Variants in TJP2 observed in about 807,000 individuals in gnomAD.
TJP2 encodes tight junction protein 2, also known as Friedreich ataxia region gene X104 (tight junction protein ZO-2).
Under a neutral mutation model 133.1 loss-of-function variants are expected in TJP2, and 91 were observed. The observed-to-expected ratio is 0.68, with a 90% CI of 0.58 to 0.81. The LOEUF is 0.81. Ranked by LOEUF, TJP2 falls within the 40% of genes least tolerant of loss-of-function variation. The pLI is 0.00. For synonymous variants in TJP2, 592 were observed against 583.4 expected (o/e 1.01, Z -0.21); for missense variants, 1,541 against 1,565.6 (o/e 0.98, Z 0.26).
At chr9:69,245,015 A>C (rs1410028469) in intron 17 of TJP2, among the ~76,000 whole-genome samples, 1 of 152,244 alleles carries the variant, frequency 6.6e-6, no homozygotes, top group Non-Finnish European at 1.5e-5. Context: ...TATTTAGTGT[A>C]AATCACTCAT....
At chr9:69,121,755 G>T (rs1458337952) in intron 1 of TJP2, 1 of 152,168 alleles carries the variant, frequency 6.6e-6, no homozygotes, top group Non-Finnish European at 1.5e-5. Flanking sequence ...TCCCTCCCCG[G>T]CCCAGGTGCT....
At chr9:69,145,864 T>C in intron 1 of TJP2, 9 of 1,181,804 alleles carry the variant, frequency 7.6e-6, no homozygotes, top group Non-Finnish European at 9.6e-6. Context: ...ATGTAAATAC[T>C]TTTTGTCTGT....
At chr9:69,178,963 GT>G (rs1001930100) in intron 1 of TJP2, among the ~76,000 whole-genome samples, 5 of 83,890 alleles carry the variant, frequency 6.0e-5, no homozygotes, top group East Asian at 3.6e-4. Context: ...AACTGGATGA[GT>G]TTTTTTTTCT....
chr9:69,248,208 C>T lies in TJP2; in HGVS notation c.2864C>T (p.Pro955Leu), dbSNP rs769636686. The T allele has an allele frequency of 3.2e-5, 51 of 1,602,592 alleles. No individual in the cohort carries two copies. The African/African-American group carries it at 3.3e-4, about 11-fold the overall frequency. The change falls in exon 19 of 23, where the codon CCG becomes CTG. Residue 955 changes from proline to leucine, a missense_variant. Coordinates refer to ENST00000377245, the MANE Select transcript of TJP2 (RefSeq NM_004817.4). ...TCGTCCATCACCCGCTCCTCGGAGC[C>T]GGTGCAGCACGAGGAGGTGAGGCGA... ...LVSSITRSSE[P>L]VQHEESIRKP...
intron 21 of TJP2, among the ~76,000 whole-genome samples, 157 bp from the exon 22 acceptor site, chr9:69,252,658 G>A (rs1831420704): frequency 6.6e-6 from 1 of 152,200 alleles, no homozygotes; most frequent in South Asian, 2.1e-4. Context: ...ACATAACCAT[G>A]GAAATGAGGA....
At chr9:69,160,622 G>T (rs1051596359) in intron 2 of TJP2, among the ~76,000 whole-genome samples, 5 of 152,220 alleles carry the variant, frequency 3.3e-5, no homozygotes, top group African/African-American at 1.2e-4. Flanking sequence ...ATAGTGAGAA[G>T]CAAGGGGAAA....
chr9:69,235,383 A>T (rs1317921338), intron 12 of TJP2, among the ~76,000 whole-genome samples: 1 of 151,556 alleles, frequency 6.6e-6, no homozygotes, highest in African/African-American at 2.4e-5. Context: ...AGTGCAGTGG[A>T]GCAATCTTGG....
At chr9:69,209,499 A>T (rs1300625484) in intron 1 of TJP2, among the ~76,000 whole-genome samples, 1 of 151,726 alleles carries the variant, frequency 6.6e-6, no homozygotes, top group Admixed American at 6.6e-5. Context: ...CACACCTGTA[A>T]TCCCAGCGCT....
chr9:69,206,553 T>A lies in TJP2; in HGVS notation c.61-5995T>A, dbSNP rs112624952. 3.0e-3 allele frequency among the ~76,000 whole-genome samples: 452 copies of A among 149,476 alleles called. 4 individuals carry two copies. Among genetic ancestry groups the A allele is most frequent in the African/African-American group, 0.011 (436 of 40,818 alleles). On this transcript the variant is annotated intron_variant, in intron 1 of 22. Coordinates refer to ENST00000377245, the MANE Select transcript of TJP2 (RefSeq NM_004817.4). Reference sequence around the variant, plus strand: ...GTGTTCACCCACTCATCTCCCTATTTTTTATTTATTTATTTATTTATTTAA... The same window carrying A: ...GTGTTCACCCACTCATCTCCCTATTATTTATTTATTTATTTATTTATTTAA...
intron 1 of TJP2, among the ~76,000 whole-genome samples, chr9:69,190,801 C>T (rs902390039): frequency 7.2e-5 from 11 of 152,116 alleles, no homozygotes; most frequent in African/African-American, 2.7e-4. Context: ...TAGCCAGCTG[C>T]GTGTTTGTTG....
chr9:69,174,271 C>A, upstream of TJP2: 1 of 1,528,908 alleles, frequency 6.5e-7, no homozygotes, highest in Middle Eastern at 1.9e-4. Context: ...GGTTGGGCTG[C>A]GGGTCAGAGC....
chr9:69,253,816 T>C (rs1184719452), intron 22 of TJP2: 1 of 300,646 alleles, frequency 3.3e-6, no homozygotes, highest in Non-Finnish European at 6.5e-6. Flanking sequence ...AAATTTCTTC[T>C]TTACCAGCTG....
At chr9:69,210,739 G>GTCCT (rs1827833175) in intron 1 of TJP2, among the ~76,000 whole-genome samples, 1 of 96,632 alleles carries the variant, frequency 1.0e-5, no homozygotes, top group South Asian at 4.0e-4. Flanking sequence ...GGTATTTTGA[G>GTCCT]TTCTTTTTTT....
chr9:69,208,999 T>C (rs886782646), intron 1 of TJP2, among the ~76,000 whole-genome samples: 2 of 152,210 alleles, frequency 1.3e-5, no homozygotes, highest in African/African-American at 4.8e-5. Context: ...AGGTCATTTC[T>C]GGGTGGTAGT....
intron 17 of TJP2, 174 bp from the exon 18 acceptor site, chr9:69,246,516 T>A (rs1830938163): frequency 1.5e-6 from 1 of 654,184 alleles, no homozygotes; most frequent in Admixed American, 2.2e-5. Flanking sequence ...ACATGATTAG[T>A]AGTTTTAATT....
intron 1 of TJP2, among the ~76,000 whole-genome samples, chr9:69,134,382 G>A (rs1227119526): frequency 6.6e-6 from 1 of 152,216 alleles, no homozygotes; most frequent in Non-Finnish European, 1.5e-5. Flanking sequence ...CAGGTGCAGG[G>A]AGTCTCTCCT....
chr9:69,175,513 A>G (rs1013628565), intron 1 of TJP2, among the ~76,000 whole-genome samples: 1 of 152,236 alleles, frequency 6.6e-6, no homozygotes, highest in Non-Finnish European at 1.5e-5. Flanking sequence ...AGAAATTCGT[A>G]GTGGTAAATG....
upstream of TJP2, among the ~76,000 whole-genome samples, chr9:69,173,654 C>T (rs1346739335): frequency 6.6e-6 from 1 of 152,174 alleles, no homozygotes; most frequent in African/African-American, 2.4e-5. Flanking sequence ...GGGTACAAGG[C>T]CGTGTATGTG....
Position 69,225,303 on chromosome 9 carries a change from G to C in TJP2, c.953-1G>C. On this transcript the variant is annotated splice_acceptor_variant, in intron 5 of 22. Transcript: ENST00000377245. LOFTEE classifies it high-confidence loss of function. ...TGTATGTTTATGTGTTTGTCTCCTA[G>C]AGTATGGTCTCCGGCTTGGGAGTCA... is the stretch of plus-strand genomic sequence containing the variant. The C allele has an allele frequency of 6.2e-7, 1 of 1,606,530 alleles. No individual in the cohort carries two copies. The highest frequency in any genetic ancestry group is 8.5e-7 in the Non-Finnish European group (1 of 1,173,426).
Sources: gnomAD v4.1 joint callset for allele counts (sites outside exome capture counted in the v4.1 genomes callset) on GRCh38, gnomAD v4.1.1 for gene constraint, MANE v1.5 for transcripts, NCBI Gene and HGNC (gene_info 2026-07-23, HGNC 2026-07-21) for gene names.